The following TOP2B variants were observed in gnomAD, a reference collection of about 807,000 sequenced individuals.
The protein encoded by TOP2B is DNA topoisomerase II beta.
In TOP2B, 51 loss-of-function variants were observed where a neutral mutation model predicts 193.5. That is an observed-to-expected ratio of 0.26 (90% CI 0.21 to 0.33). The LOEUF is 0.33. Ranked by LOEUF, TOP2B falls within the 10% of genes least tolerant of loss-of-function variation. The pLI, the probability that TOP2B is intolerant of heterozygous loss-of-function variation, is 1.00. For missense variants in TOP2B, 1,378 were observed against 1,909.3 expected (o/e 0.72, Z 5.19); for synonymous variants, 634 against 635.7 (o/e 1.00, Z 0.04).
intron 27 of TOP2B, among the ~76,000 whole-genome samples, chr3:25,613,168 G>C (rs1282804937): frequency 6.6e-6 from 1 of 152,078 alleles, no homozygotes; most frequent in Non-Finnish European, 1.5e-5. Context: ...AGTATGAGAA[G>C]TTAAAAGTGC....
rs1178003980 is a variant in TOP2B at position 25,638,186 on chromosome 3, C to T, written c.520G>A (p.Asp174Asn). 1.3e-6 allele frequency: 2 copies of T among 1,568,646 alleles called. No homozygotes were observed. Among genetic ancestry groups the T allele is most frequent in the Admixed American group, 3.7e-5 (2 of 53,402 alleles). Reference protein sequence around the residue: ...GQLLTSSNYDDDEKKVTGGRN... With the variant: ...GQLLTSSNYDNDEKKVTGGRN... The stretch of plus-strand genomic sequence containing the variant: ...TTACCTGTAACTTTTTTCTCATCAT[C>T]ATCATAGTTACTGGATGTTAAAAGC... Residue 174 changes from aspartate (D) to asparagine (N), a missense_variant, in exon 5 of 36, where the codon GAT becomes AAT. By Grantham distance (23) the Asp-to-Asn change is conservative. Around this residue, in one of 9 missense-constraint regions of TOP2B, gnomAD observed 222 missense variants for 306.6 expected, o/e 0.72. Transcript: ENST00000264331.
rs777284809 is a variant in TOP2B, at chr3:25,598,268, CAAGAT to C, written c.*34_*38del. 5.1e-6 allele frequency: 8 copies of C among 1,564,998 alleles called. No individual in the cohort carries two copies. Among genetic ancestry groups the C allele is most frequent in the Non-Finnish European group, 7.0e-6 (8 of 1,149,928 alleles). Reference sequence around the variant, plus strand: ...AGACAGAGAAGACAAAAGGACAACACAAGATATTTGTTGAAAAATGTTTGTGCTCT... The same window carrying C: ...AGACAGAGAAGACAAAAGGACAACACATTTGTTGAAAAATGTTTGTGCTCT... On this transcript the variant is annotated 3_prime_UTR_variant, in exon 36 of 36. Coordinates refer to ENST00000264331, the MANE Select transcript of TOP2B (RefSeq NM_001330700.2).
intron 7 of TOP2B, among the ~76,000 whole-genome samples, chr3:25,634,843 G>A (rs990861879): frequency 7.3e-5 from 11 of 150,476 alleles, no homozygotes; most frequent in East Asian, 1.9e-4. Context: ...CAAGGACACA[G>A]GCTGAGAACA....
Position 25,598,473 on chromosome 3 carries a change from G to A in TOP2B, c.4715C>T (p.Pro1572Leu), listed in dbSNP as rs62638670. The A allele has an allele frequency of 1.1e-3, 1,721 of 1,555,934 alleles. 2 individuals carry two copies. Among genetic ancestry groups the A allele is most frequent in the Admixed American group, 2.9e-3 (144 of 50,176 alleles). Residue 1572 changes from proline (P) to leucine (L), a missense_variant, in exon 36 of 36, where the codon CCG (proline) becomes CTG (leucine). By Grantham distance (98) the Pro-to-Leu change is moderately conservative. Transcript: ENST00000264331. ...RKTSKTTSKKPKKTSFDQDSD... is the reference protein window; with the variant it reads ...RKTSKTTSKKLKKTSFDQDSD... ...ATCCTGATCAAAAGATGTCTTCTTC[G>A]GTTTCTAGATTTTTTTTCAATAGAT...
chr3:25,623,732 A>G lies in TOP2B; in HGVS notation c.2510T>C (p.Leu837Pro). The G allele has an allele frequency of 6.2e-7, 1 of 1,612,214 alleles. No homozygotes were observed. The highest frequency in any genetic ancestry group is 8.5e-7 in the Non-Finnish European group (1 of 1,178,638). Residue 837 changes from leucine to proline, a missense_variant, in exon 21 of 36, where the codon CTA becomes CCA. Leu to Pro is a moderately conservative substitution (Grantham distance 98, BLOSUM62 -3). Transcript: ENST00000264331. ...IFTMLSTLARLLFPAVDDNLL... is the reference protein window; with the variant it reads ...IFTMLSTLARPLFPAVDDNLL... ...GTTGTCATCCACAGCAGGAAAAAGT[A>G]GCCTTGCTAAAGTGCTAATGAAAAC...
At chr3:25,619,722 C>T in intron 23 of TOP2B, 140 bp downstream of exon 23, 1 of 602,544 alleles carries the variant, frequency 1.7e-6, no homozygotes, top group South Asian at 2.1e-5. Flanking sequence ...GAATCTTCAG[C>T]AAATCTGCAG....
chr3:25,604,900 A>G (rs750826123), intron 32 of TOP2B, 30 bp from the exon 33 acceptor site: 7 of 1,518,650 alleles, frequency 4.6e-6, no homozygotes, highest in Non-Finnish European at 6.4e-6. Context: ...CTTTTAGTAA[A>G]GAGATGTTAT....
chr3:25,644,546 C>T (rs926930122), intron 2 of TOP2B, among the ~76,000 whole-genome samples: 1 of 151,818 alleles, frequency 6.6e-6, no homozygotes, highest in East Asian at 2.0e-4. Context: ...ACTAACAACA[C>T]AAAAATTAGC....
chr3:25,630,290 A>G (rs1702920472), intron 12 of TOP2B, 22 bp downstream of exon 12: 1 of 1,546,754 alleles, frequency 6.5e-7, no homozygotes, highest in African/African-American at 1.4e-5. Flanking sequence ...GTATACACAT[A>G]TATATACACA....
At chr3:25,620,881 C>G in intron 21 of TOP2B, 65 bp from the exon 22 acceptor site, 1 of 1,497,030 alleles carries the variant, frequency 6.7e-7, no homozygotes, top group Non-Finnish European at 9.1e-7. Context: ...AGTCTATGGT[C>G]TAACATTGAC....
chr3:25,619,430 A>G (rs959348653), intron 23 of TOP2B, among the ~76,000 whole-genome samples: 3 of 152,104 alleles, frequency 2.0e-5, no homozygotes, highest in African/African-American at 7.2e-5. Flanking sequence ...TTGGAATGGA[A>G]CTTGAATCAC....
chr3:25,626,631 T>A lies in TOP2B; in HGVS notation c.2153A>T (p.Asp718Val), dbSNP rs1162590623. 7 of 1,537,996 alleles carry A rather than the reference T, an allele frequency of 4.6e-6. No individual in the cohort carries two copies. In the Admixed American group the frequency reaches 1.6e-4, roughly 34 times the overall value. ...GTATKHLTYN[D>V]FINKELILFS... is the part of the protein sequence containing the mutation. ...GAGAATCAATTCCTTGTTGATGAAA[T>A]CATTATAAGTCAAATGCTTTGTTGC... is the stretch of plus-strand genomic sequence containing the variant. Residue 718 changes from aspartate to valine, a missense_variant, in exon 18 of 36, where the codon GAT becomes GTT. Around this residue, in one of 9 missense-constraint regions of TOP2B, gnomAD observed 379 missense variants for 615.1 expected, o/e 0.62. Coordinates refer to ENST00000264331, the MANE Select transcript of TOP2B (RefSeq NM_001330700.2).
chr3:25,604,891 T>C (rs994503531), intron 32 of TOP2B, 21 bp from the exon 33 acceptor site: 1 of 1,563,050 alleles, frequency 6.4e-7, no homozygotes, highest in Non-Finnish European at 8.8e-7. Flanking sequence ...CAAAGCCTTC[T>C]TTTAGTAAAG....
chr3:25,648,281 G>C (rs1447481511), intron 1 of TOP2B, among the ~76,000 whole-genome samples: 1 of 152,196 alleles, frequency 6.6e-6, no homozygotes, highest in Non-Finnish European at 1.5e-5. Flanking sequence ...TACAGCACGA[G>C]ACGCCACAAG....
chr3:25,629,868 T>C (rs1165658799), intron 13 of TOP2B, among the ~76,000 whole-genome samples, 161 bp downstream of exon 13: 3 of 152,196 alleles, frequency 2.0e-5, no homozygotes, highest in South Asian at 4.1e-4. Flanking sequence ...ATGTGCTTCA[T>C]AAAAATGTTT....
chr3:25,613,860 T>C (rs1702441193), intron 27 of TOP2B, among the ~76,000 whole-genome samples: 1 of 152,184 alleles, frequency 6.6e-6, no homozygotes, highest in African/African-American at 2.4e-5. Context: ...TCTATAATGA[T>C]ATAATTCCTA....
At chr3:25,600,889 T>A (rs1702074673) in intron 34 of TOP2B, among the ~76,000 whole-genome samples, 1 of 152,212 alleles carries the variant, frequency 6.6e-6, no homozygotes, top group South Asian at 2.1e-4. Flanking sequence ...GAGCCTCAAT[T>A]TTTTAATTTG....
chr3:25,646,140 A>G (rs1371366498), intron 1 of TOP2B, among the ~76,000 whole-genome samples: 1 of 152,082 alleles, frequency 6.6e-6, no homozygotes, highest in African/African-American at 2.4e-5. Context: ...CAGAATCACA[A>G]TGACTGAACC....
At chr3:25,612,437 C>T in intron 28 of TOP2B, 78 bp downstream of exon 28, 1 of 1,040,478 alleles carries the variant, frequency 9.6e-7, no homozygotes, top group Non-Finnish European at 1.3e-6. Flanking sequence ...ATGATTTAAA[C>T]ACGCATTAAA....
Sources: gnomAD v4.1 joint callset for allele counts (sites outside exome capture counted in the v4.1 genomes callset) on GRCh38, gnomAD v4.1.1 for gene constraint, gnomAD v4.1.1 regional missense constraint, MANE v1.5 for transcripts, NCBI Gene and HGNC (gene_info 2026-07-23, HGNC 2026-07-21) for gene names.